Variants in NKAIN3 observed in about 807,000 individuals in gnomAD.
NKAIN3 encodes the protein sodium/potassium-transporting ATPase subunit beta-1-interacting protein 3.
NKAIN3 carries 25 observed loss-of-function variants against 30.2 expected under a neutral mutation model. That is an observed-to-expected ratio of 0.83 (90% CI 0.60 to 1.16). The LOEUF (loss-of-function observed/expected upper bound fraction) is 1.16. Ranked by LOEUF, NKAIN3 falls within the 50% of genes most tolerant of loss-of-function variation. The pLI is 0.00. For missense variants in NKAIN3, 225 were observed against 254.1 expected, an observed-to-expected ratio of 0.89 and a Z score of 0.78; for synonymous variants, 91 against 89.6, an observed-to-expected ratio of 1.02 and a Z score of -0.09.
intron 3 of NKAIN3, among the ~76,000 whole-genome samples, chr8:62,658,786 T>C (rs1354551924): frequency 6.6e-6 from 1 of 152,202 alleles, no homozygotes; most frequent in Non-Finnish European, 1.5e-5. Flanking sequence ...AAGTAAAGTA[T>C]TACTCCTTTC....
rs537968345 is a variant in NKAIN3 at position 62,501,687 on chromosome 8, T to C, written c.55-77852T>C. Among the ~76,000 whole-genome samples, 27 of 152,332 alleles carry C rather than the reference T, an allele frequency of 1.8e-4. No homozygotes were observed. The South Asian group carries it at 4.6e-3, about 26-fold the overall frequency. ...CAGCCTGCAATCTTCACAATTATTCTTCCTATGGTACCCTAAATGTTTGCT... is the reference window on the plus strand; with the variant it reads ...CAGCCTGCAATCTTCACAATTATTCCTCCTATGGTACCCTAAATGTTTGCT... On this transcript the variant is annotated intron_variant, in intron 1 of 6. Coordinates refer to ENST00000623646, the MANE Select transcript of NKAIN3 (RefSeq NM_001304533.3).
At chr8:62,683,763 G>T (rs952750237) in intron 3 of NKAIN3, among the ~76,000 whole-genome samples, 8 of 152,090 alleles carry the variant, frequency 5.3e-5, no homozygotes, top group Admixed American at 3.9e-4. Context: ...AGGGGATTTG[G>T]TCTGGCTCTC....
chr8:62,322,030 C>T (rs779422847), intron 1 of NKAIN3, among the ~76,000 whole-genome samples: 32 of 152,118 alleles, frequency 2.1e-4, no homozygotes, highest in Non-Finnish European at 4.1e-4. Context: ...CGGCAATGGC[C>T]GACACCCCTC....
chr8:62,413,242 T>TAA (rs1804320800), intron 1 of NKAIN3, among the ~76,000 whole-genome samples: 1 of 152,352 alleles, frequency 6.6e-6, no homozygotes, highest in East Asian at 1.9e-4. Flanking sequence ...TGGAGATTTT[T>TAA]CTTAGAGTTT....
chr8:62,542,295 G>A (rs542001172), intron 1 of NKAIN3, among the ~76,000 whole-genome samples: 1 of 152,290 alleles, frequency 6.6e-6, no homozygotes, highest in East Asian at 1.9e-4. Flanking sequence ...TAGAGGGTAA[G>A]TGTTCCATCT....
rs531521106 is a variant in NKAIN3, at chr8:62,587,735, A to G, written c.193-1979A>G. Among the ~76,000 whole-genome samples, 18 of 152,084 alleles carry G rather than the reference A, an allele frequency of 1.2e-4. No homozygotes were observed. The East Asian group carries it at 3.3e-3, about 28-fold the overall frequency. On this transcript the variant is annotated intron_variant, in intron 2 of 6. Coordinates refer to ENST00000623646, the MANE Select transcript of NKAIN3 (RefSeq NM_001304533.3). ...ATATATGTAAAGCACTTACCACAAT[A>G]CCAGGAACACAGAAAGCACCAGGAT...
intron 5 of NKAIN3, among the ~76,000 whole-genome samples, chr8:62,943,874 T>A (rs1257865924): frequency 6.6e-6 from 1 of 150,786 alleles, no homozygotes; most frequent in Non-Finnish European, 1.5e-5. Context: ...CTGGATAAAA[T>A]TGGAGATTAT....
intron 1 of NKAIN3, among the ~76,000 whole-genome samples, chr8:62,534,212 C>T (rs955203581): frequency 6.6e-6 from 1 of 152,134 alleles, no homozygotes; most frequent in Non-Finnish European, 1.5e-5. Context: ...TGAGCGTGCA[C>T]AGGAAGCCCG....
At chr8:62,614,981 GTGCTC>G (rs1311707285) in intron 3 of NKAIN3, among the ~76,000 whole-genome samples, 7 of 152,140 alleles carry the variant, frequency 4.6e-5, no homozygotes, top group Non-Finnish European at 5.9e-5. Flanking sequence ...AGCCTGCTTG[GTGCTC>G]TGCACCCCTG....
chr8:62,718,308 G>T (rs1814973662), intron 3 of NKAIN3, among the ~76,000 whole-genome samples: 1 of 152,100 alleles, frequency 6.6e-6, no homozygotes, highest in South Asian at 2.1e-4. Context: ...TAAACAGAAG[G>T]ATTATTTATT....
At chr8:62,534,475 AT>A (rs1808588266) in intron 1 of NKAIN3, among the ~76,000 whole-genome samples, 1 of 152,192 alleles carries the variant, frequency 6.6e-6, no homozygotes, top group Non-Finnish European at 1.5e-5. Flanking sequence ...CATTTTGAAC[AT>A]CATTAAATGT....
intron 1 of NKAIN3, among the ~76,000 whole-genome samples, chr8:62,489,432 CTGTTA>C (rs1029506137): frequency 6.6e-6 from 1 of 152,174 alleles, no homozygotes; most frequent in Non-Finnish European, 1.5e-5. Context: ...CCTCAGTTAT[CTGTTA>C]TATCTTATAT....
At chr8:62,376,114 C>T (rs541418058) in intron 1 of NKAIN3, among the ~76,000 whole-genome samples, 2 of 152,304 alleles carry the variant, frequency 1.3e-5, no homozygotes, top group South Asian at 2.1e-4. Flanking sequence ...AGGAGCACTA[C>T]GCTGAGCTAT....
chr8:62,941,207 T>C (rs1822945475), intron 5 of NKAIN3, among the ~76,000 whole-genome samples: 1 of 151,800 alleles, frequency 6.6e-6, no homozygotes, highest in African/African-American at 2.4e-5. Context: ...CAGGAAGAAA[T>C]AGAAACCCTG....
chr8:62,251,516 G>A (rs751826207), intron 1 of NKAIN3, among the ~76,000 whole-genome samples: 54 of 152,102 alleles, frequency 3.6e-4, no homozygotes, highest in Non-Finnish European at 6.6e-4. Flanking sequence ...TAAGAAAAAA[G>A]AGGAAAGTGA....
chr8:62,709,344 T>G (rs1170468935), intron 3 of NKAIN3, among the ~76,000 whole-genome samples: 2 of 152,154 alleles, frequency 1.3e-5, no homozygotes, highest in Non-Finnish European at 2.9e-5. Flanking sequence ...TGAATCCATC[T>G]GGTCCTGGAC....
intron 4 of NKAIN3, among the ~76,000 whole-genome samples, chr8:62,916,213 A>G (rs1417124529): frequency 6.6e-6 from 1 of 152,186 alleles, no homozygotes; most frequent in African/African-American, 2.4e-5. Flanking sequence ...CAGGAAAAGC[A>G]TTAATATTTT....
At chr8:62,584,507 T>G (rs542002865) in intron 2 of NKAIN3, among the ~76,000 whole-genome samples, 1 of 152,324 alleles carries the variant, frequency 6.6e-6, no homozygotes, top group East Asian at 1.9e-4. Flanking sequence ...TTCCAAACTC[T>G]TAGAGTCTAA....
intron 6 of NKAIN3, 78 bp from the exon 7 acceptor site, chr8:62,965,276 A>G (rs1823677871): frequency 1.0e-6 from 1 of 985,478 alleles, no homozygotes; most frequent in Non-Finnish European, 1.2e-6. Flanking sequence ...TTGCATTTCA[A>G]AAGGCCTCAA....
Sources: gnomAD v4.1 joint callset for allele counts (sites outside exome capture counted in the v4.1 genomes callset) on GRCh38, gnomAD v4.1.1 for gene constraint, MANE v1.5 for transcripts, NCBI Gene and HGNC (gene_info 2026-07-23, HGNC 2026-07-21) for gene names.